The following DDO variants were observed in gnomAD, a reference collection of about 807,000 sequenced individuals.
The protein encoded by DDO is D-aspartate oxidase.
Under a neutral mutation model 16.8 loss-of-function variants are expected in DDO, and 16 were observed. The observed-to-expected ratio is 0.95, with a 90% CI of 0.65 to 1.45. The LOEUF is 1.45. Ranked by LOEUF, DDO falls within the 40% of genes most tolerant of loss-of-function variation. The pLI, the probability that DDO is intolerant of heterozygous loss-of-function variation, is 0.00. For missense variants in DDO, 429 were observed against 420.3 expected, an observed-to-expected ratio of 1.02 and a Z score of -0.18; for synonymous variants, 180 against 167.2, an observed-to-expected ratio of 1.08 and a Z score of -0.59.
chr6:110,403,815 C>T (rs1416086312), intron 4 of DDO, among the ~76,000 whole-genome samples: 2 of 152,134 alleles, frequency 1.3e-5, no homozygotes, highest in Middle Eastern at 3.2e-3. Context: ...CCACAATAGA[C>T]CATGAAATTA....
At chr6:110,404,987 T>A (rs1294884897) in intron 3 of DDO, 37 bp from the exon 4 acceptor site, 2 of 1,581,622 alleles carry the variant, frequency 1.3e-6, no homozygotes, top group East Asian at 2.2e-5. Context: ...TCCTGAAATT[T>A]GTGAAATAAC....
At chr6:110,401,095 T>C (rs1192423031) in intron 4 of DDO, among the ~76,000 whole-genome samples, 1 of 152,218 alleles carries the variant, frequency 6.6e-6, no homozygotes, top group Non-Finnish European at 1.5e-5. Context: ...AGGGAAGATA[T>C]GGATAGAGCG....
At position 110,413,292 on chromosome 6, in the gene DDO, T is replaced by C. The variant is rs893790609; in HGVS notation, c.171A>G (p.Pro57=). The C allele has an allele frequency of 3.1e-6, 5 of 1,613,708 alleles. No homozygotes were observed. In the African/African-American group the frequency reaches 4.0e-5, roughly 13 times the overall value. The change falls in exon 2 of 5, where the codon CCA becomes CCG. Residue 57 remains proline (P), a splice_region_variant and synonymous_variant. Transcript: ENST00000368924. ...AAGMLIPHTY[P]DTPIHTQKQW... is the part of the protein sequence containing the mutation. ...GATAGAGGAGCTGAAATCTCTCACC[T>C]GGATAAGTGTGAGGAATAAGCATTC...
In DDO at chr6:110,411,259, C is replaced by T. The variant is rs1399473894; in HGVS notation, c.172+2032G>A. 2.0e-5 allele frequency among the ~76,000 whole-genome samples: 3 copies of T among 152,116 alleles called. No homozygotes were observed. In the East Asian group the frequency reaches 5.8e-4, roughly 29 times the overall value. On this transcript the variant is annotated intron_variant, in intron 2 of 4. Transcript: ENST00000368924. Reference sequence around the variant, plus strand: ...GAGCTCACTGGCAACAAGCCCTGTGCAAACACTCAGAAATTCCCATCTGCT... The same window carrying T: ...GAGCTCACTGGCAACAAGCCCTGTGTAAACACTCAGAAATTCCCATCTGCT...
chr6:110,403,345 T>G (rs892899730), intron 4 of DDO, among the ~76,000 whole-genome samples: 8 of 152,196 alleles, frequency 5.3e-5, no homozygotes, highest in African/African-American at 1.9e-4. Context: ...ATGCTTCTAA[T>G]TTTGTATTTC....
At chr6:110,409,369 C>A (rs1357996212) in intron 2 of DDO, among the ~76,000 whole-genome samples, 2 of 152,232 alleles carry the variant, frequency 1.3e-5, no homozygotes, top group East Asian at 3.9e-4. Context: ...GGCCAGGGAC[C>A]AGGGAACAAT....
At chr6:110,415,141 C>T (rs561073510) in intron 1 of DDO, among the ~76,000 whole-genome samples, 4 of 152,324 alleles carry the variant, frequency 2.6e-5, no homozygotes, top group African/African-American at 7.2e-5. Flanking sequence ...GAGAAGGGAA[C>T]GGGCCCAGGC....
chr6:110,404,398 AATTAGAGTAAATC>A (rs570440465), intron 4 of DDO, among the ~76,000 whole-genome samples: 103 of 152,356 alleles, frequency 6.8e-4, no homozygotes, highest in African/African-American at 2.5e-3. Context: ...TCGTCCAAAG[AATTAGAGTAAATC>A]ATATCATTCT....
At chr6:110,393,851 C>A (rs1373290289) in intron 4 of DDO, among the ~76,000 whole-genome samples, 4 of 152,198 alleles carry the variant, frequency 2.6e-5, no homozygotes, top group African/African-American at 9.6e-5. Context: ...ACGAGAAGAA[C>A]ACAAAATATT....
intron 1 of DDO, among the ~76,000 whole-genome samples, chr6:110,415,063 C>T (rs1774000178): frequency 1.3e-5 from 2 of 152,338 alleles, no homozygotes; most frequent in East Asian, 1.9e-4. Context: ...TAATTTGATA[C>T]GTTAATTTGA....
intron 3 of DDO, among the ~76,000 whole-genome samples, chr6:110,406,042 T>C (rs983336322): frequency 6.6e-6 from 1 of 152,150 alleles, no homozygotes; most frequent in Admixed American, 6.5e-5. Context: ...AAGACACAAA[T>C]GTCCTTTACT....
intron 4 of DDO, among the ~76,000 whole-genome samples, chr6:110,403,821 AATT>A (rs1773559389): frequency 6.6e-6 from 1 of 152,218 alleles, no homozygotes; most frequent in South Asian, 2.1e-4. Context: ...TAGACCATGA[AATT>A]ATTTTAAAAA....
intron 3 of DDO, among the ~76,000 whole-genome samples, chr6:110,406,128 C>T (rs1009848738): frequency 6.6e-6 from 1 of 152,118 alleles, no homozygotes; most frequent in Non-Finnish European, 1.5e-5. Context: ...ACCTACAGGC[C>T]AGACACTTAG....
At chr6:110,398,977 T>C (rs1163087134) in intron 4 of DDO, among the ~76,000 whole-genome samples, 1 of 152,144 alleles carries the variant, frequency 6.6e-6, no homozygotes, top group Non-Finnish European at 1.5e-5. Flanking sequence ...GGCAGGACAA[T>C]CCTGGTCCCT....
In DDO at chr6:110,392,561, T is replaced by G; in HGVS notation, c.*214A>C. ...CTAAAAAATGTTACCCAGATTGCAC[T>G]CAAACTCCTGGGCTCAACAATCCTC... On this transcript the variant is annotated 3_prime_UTR_variant, in exon 5 of 5. Transcript: ENST00000368924. The G allele has an allele frequency of 8.1e-7, 1 of 1,228,632 alleles. No homozygotes were observed. Among genetic ancestry groups the G allele is most frequent in the African/African-American group, 1.6e-5 (1 of 64,442 alleles). The allele number at this position is 1,228,632 out of a possible 1,614,324, so 76.1% of individuals were successfully genotyped here.
chr6:110,388,394 A>G (rs1197818436), downstream of DDO, among the ~76,000 whole-genome samples: 2 of 152,214 alleles, frequency 1.3e-5, no homozygotes, highest in African/African-American at 4.8e-5. Flanking sequence ...TAAGAACTAC[A>G]ACTCCCAGTG....
downstream of DDO, among the ~76,000 whole-genome samples, chr6:110,390,259 C>A (rs1773077609): frequency 6.6e-6 from 1 of 152,158 alleles, no homozygotes; most frequent in Non-Finnish European, 1.5e-5. Flanking sequence ...TGGTTCTCAG[C>A]CCTGGCTCTC....
chr6:110,388,952 C>A, downstream of DDO: 1 of 328,610 alleles, frequency 3.0e-6, no homozygotes, highest in Non-Finnish European at 4.4e-6. Flanking sequence ...TGAAGATAAG[C>A]TGTGATGGTT....
At chr6:110,396,132 C>T (rs1773283900) in intron 4 of DDO, among the ~76,000 whole-genome samples, 1 of 152,230 alleles carries the variant, frequency 6.6e-6, no homozygotes, top group African/African-American at 2.4e-5. Context: ...ACCCCAATAG[C>T]TCAGCTTCCT....
Sources: allele counts gnomAD v4.1 joint callset (sites outside exome capture counted in the v4.1 genomes callset), GRCh38; gene constraint gnomAD v4.1.1; transcripts MANE v1.5; gene names NCBI Gene and HGNC (gene_info 2026-07-23, HGNC 2026-07-21).